Variants in NEK7 observed in about 807,000 individuals in gnomAD.
The protein encoded by NEK7 is serine/threonine-protein kinase Nek7.
In NEK7, 18 loss-of-function variants were observed where a neutral mutation model predicts 44.6. That is an observed-to-expected ratio of 0.40 (90% CI 0.28 to 0.60). The LOEUF is 0.60. Among genes scored for constraint, NEK7 ranks in the 20% least tolerant of loss-of-function variants. The pLI is 0.38. For synonymous variants in NEK7, 130 were observed against 121.1 expected (o/e 1.07, Z -0.48); for missense variants, 256 against 366.5 (o/e 0.70, Z 2.46).
At chr1:198,194,885 C>A (rs929221709) in intron 1 of NEK7, among the ~76,000 whole-genome samples, 1 of 152,118 alleles carries the variant, frequency 6.6e-6, no homozygotes. Context: ...TTTGAAGAAT[C>A]GCCACACTGT....
intron 9 of NEK7, among the ~76,000 whole-genome samples, chr1:198,300,574 AC>A (rs1349001052): frequency 3.9e-5 from 6 of 152,172 alleles, no homozygotes; most frequent in Non-Finnish European, 2.9e-5. Flanking sequence ...CTTGGCAGTT[AC>A]GCCATGTTGT....
chr1:198,179,813 GTATGTA>G (rs989150051), intron 1 of NEK7, among the ~76,000 whole-genome samples: 19 of 126,876 alleles, frequency 1.5e-4, no homozygotes, highest in African/African-American at 4.6e-4. Flanking sequence ...GTGTGTGTGT[GTATGTA>G]TGTGTGTGTG....
At chr1:198,221,294 T>C (rs2102845071) in intron 1 of NEK7, among the ~76,000 whole-genome samples, 1 of 152,062 alleles carries the variant, frequency 6.6e-6, no homozygotes, top group African/African-American at 2.4e-5. Flanking sequence ...CTTGGTTAAA[T>C]TGGATTTACG....
chr1:198,307,149 G>A (rs1655043223), intron 9 of NEK7, among the ~76,000 whole-genome samples: 1 of 151,972 alleles, frequency 6.6e-6, no homozygotes, highest in South Asian at 2.1e-4. Context: ...ATGGCACAAA[G>A]GGAAACATAG....
At chr1:198,293,797 T>C (rs1442501744) in intron 8 of NEK7, among the ~76,000 whole-genome samples, 1 of 151,896 alleles carries the variant, frequency 6.6e-6, no homozygotes, top group Non-Finnish European at 1.5e-5. Context: ...AAAATTAGTC[T>C]ATATCTAAGT....
chr1:198,277,827 T>G, intron 5 of NEK7, 134 bp from the exon 6 acceptor site: 1 of 594,946 alleles, frequency 1.7e-6, no homozygotes, highest in South Asian at 2.1e-5. Context: ...AATTTCAGTA[T>G]AAAGATCATA....
intron 7 of NEK7, among the ~76,000 whole-genome samples, chr1:198,283,073 G>A (rs1654258862): frequency 6.6e-6 from 1 of 152,140 alleles, no homozygotes; most frequent in Admixed American, 6.6e-5. Context: ...AATGTCCCAG[G>A]TAGACTGAAG....
At chr1:198,205,696 A>C (rs545492851) in intron 1 of NEK7, among the ~76,000 whole-genome samples, 8 of 151,948 alleles carry the variant, frequency 5.3e-5, no homozygotes, top group Admixed American at 4.6e-4. Context: ...TACACATCCT[A>C]AGGTACAGTC....
chr1:198,200,391 T>G (rs760984871), intron 1 of NEK7, among the ~76,000 whole-genome samples: 2 of 152,162 alleles, frequency 1.3e-5, no homozygotes, highest in Non-Finnish European at 2.9e-5. Flanking sequence ...GAAAACTTGT[T>G]GAGGCTTTAA....
intron 1 of NEK7, among the ~76,000 whole-genome samples, chr1:198,196,091 G>T (rs1665228313): frequency 6.6e-6 from 1 of 152,176 alleles, no homozygotes; most frequent in East Asian, 1.9e-4. Context: ...AAGTGAGTCA[G>T]ACTCTTATCC....
In NEK7 at chr1:198,261,938, CTATACTT is replaced by C. The variant is rs1266758057; in HGVS notation, c.199-629_199-623del. Among the ~76,000 whole-genome samples, 5 of 151,904 alleles carry C rather than the reference CTATACTT, an allele frequency of 3.3e-5. No individual in the cohort carries two copies. The East Asian group carries it at 9.7e-4, about 29-fold the overall frequency. Reference sequence around the variant, plus strand: ...TTTATGTGTAGTACTGTATGTGTATCTATACTTTATACTTAATAGAGTAAAATTTTGT... The same window carrying C: ...TTTATGTGTAGTACTGTATGTGTATCTATACTTAATAGAGTAAAATTTTGT... On this transcript the variant is annotated intron_variant, in intron 3 of 9. Coordinates refer to ENST00000367385, the MANE Select transcript of NEK7 (RefSeq NM_133494.3).
At chr1:198,315,342 C>G (rs931221030) in intron 9 of NEK7, among the ~76,000 whole-genome samples, 2 of 152,206 alleles carry the variant, frequency 1.3e-5, no homozygotes, top group African/African-American at 4.8e-5. Flanking sequence ...GTCTGGCACT[C>G]CCTAGTGAGA....
chr1:198,261,057 T>G (rs1653446141), intron 3 of NEK7, among the ~76,000 whole-genome samples: 1 of 152,044 alleles, frequency 6.6e-6, no homozygotes, highest in African/African-American at 2.4e-5. Flanking sequence ...TTTACACCCT[T>G]ATTCCATATT....
intron 1 of NEK7, among the ~76,000 whole-genome samples, chr1:198,169,915 A>T (rs1392840771): frequency 1.3e-5 from 2 of 152,194 alleles, no homozygotes; most frequent in African/African-American, 2.4e-5. Context: ...TCTTGTCAGA[A>T]CTTGCCATTT....
At chr1:198,247,383 G>T (rs772108780) in intron 2 of NEK7, among the ~76,000 whole-genome samples, 8 of 152,132 alleles carry the variant, frequency 5.3e-5, no homozygotes, top group Admixed American at 6.5e-5. Context: ...TGGCAGTGTG[G>T]CATAGGCTAT....
At chr1:198,216,191 A>G (rs1471909783) in intron 1 of NEK7, among the ~76,000 whole-genome samples, 1 of 152,108 alleles carries the variant, frequency 6.6e-6, no homozygotes, top group East Asian at 1.9e-4. Context: ...CCACAAAATG[A>G]GTCTCAATAA....
intron 1 of NEK7, among the ~76,000 whole-genome samples, chr1:198,217,840 T>TA (rs35485996): frequency 0.17 from 17,801 of 107,068 alleles, 1,534 homozygotes; most frequent in South Asian, 0.27. Context: ...ACAATAGCTA[T>TA]AAAAAAAAAA....
At chr1:198,182,008 T>C (rs1664781388) in intron 1 of NEK7, among the ~76,000 whole-genome samples, 1 of 152,076 alleles carries the variant, frequency 6.6e-6, no homozygotes, top group Non-Finnish European at 1.5e-5. Context: ...TTAAAATGGC[T>C]TTATATACTT....
At chr1:198,237,783 C>T (rs1266868197) in intron 2 of NEK7, among the ~76,000 whole-genome samples, 1 of 152,132 alleles carries the variant, frequency 6.6e-6, no homozygotes, top group Non-Finnish European at 1.5e-5. Context: ...TTGGCTTGCT[C>T]ATTCATATTC....
Sources: allele counts gnomAD v4.1 joint callset (sites outside exome capture counted in the v4.1 genomes callset), GRCh38; gene constraint gnomAD v4.1.1; transcripts MANE v1.5; gene names NCBI Gene and HGNC (gene_info 2026-07-23, HGNC 2026-07-21).